Variants in TBC1D12 observed in about 807,000 individuals in gnomAD.
TBC1D12 encodes TBC1 domain family, member 12.
In TBC1D12, 56 loss-of-function variants were observed where a neutral mutation model predicts 86.7. That is an observed-to-expected ratio of 0.65 (90% CI 0.52 to 0.81). The LOEUF is 0.81. Among genes scored for constraint, TBC1D12 ranks in the 30% least tolerant of loss-of-function variants. The pLI, the probability that TBC1D12 is intolerant of heterozygous loss-of-function variation, is 0.00. For missense variants in TBC1D12, 1,023 were observed against 1,038.8 expected (o/e 0.98, Z 0.21); for synonymous variants, 421 against 411.7 (o/e 1.02, Z -0.27).
chr10:94,502,532 C>A (rs1186176628), intron 6 of TBC1D12, among the ~76,000 whole-genome samples: 1 of 151,830 alleles, frequency 6.6e-6, no homozygotes, highest in Non-Finnish European at 1.5e-5. Flanking sequence ...TAGCGAGACC[C>A]CGTCTCTACA....
intron 3 of TBC1D12, among the ~76,000 whole-genome samples, chr10:94,480,335 G>A (rs1197173220): frequency 6.6e-6 from 1 of 152,146 alleles, no homozygotes; most frequent in East Asian, 1.9e-4. Flanking sequence ...AGTCTGGGGA[G>A]TGATTGAGGG....
chr10:94,453,834 G>A (rs186468569), intron 2 of TBC1D12, among the ~76,000 whole-genome samples: 2 of 151,842 alleles, frequency 1.3e-5, no homozygotes, highest in East Asian at 1.9e-4. Context: ...TTTTCATGTC[G>A]ATGTCCAGTT....
chr10:94,494,060 C>A (rs1383623446), intron 4 of TBC1D12, among the ~76,000 whole-genome samples: 1 of 151,716 alleles, frequency 6.6e-6, no homozygotes, highest in African/African-American at 2.4e-5. Flanking sequence ...ATTTGAAACT[C>A]AAAATTTTTT....
At position 94,509,113 on chromosome 10, in the gene TBC1D12, T is replaced by G. The variant is rs1017345174; in HGVS notation, c.1601-978T>G. On this transcript the variant is annotated intron_variant, in intron 7 of 12. Transcript: ENST00000225235. ...TTTCTTGATGGGAAAAAGTGTTTTTTTTTTTTTTTTTTTGAGATGCTCACC... is the reference window on the plus strand; with the variant it reads ...TTTCTTGATGGGAAAAAGTGTTTTTGTTTTTTTTTTTTTGAGATGCTCACC... 1.1e-4 allele frequency: 17 copies of G among 149,704 alleles called. No individual in the cohort carries two copies. The East Asian group carries it at 2.1e-3, about 19-fold the overall frequency. The allele number at this position is 149,704 out of a possible 1,614,324, so 9.3% of individuals were successfully genotyped here.
chr10:94,508,330 C>T (rs1049877039), intron 7 of TBC1D12: 3 of 151,490 alleles, frequency 2.0e-5, no homozygotes, highest in African/African-American at 4.9e-5. Context: ...GATGGGGTCT[C>T]TCTATGTTTC....
intron 8 of TBC1D12, 31 bp downstream of exon 8, chr10:94,510,210 T>A: frequency 6.8e-7 from 1 of 1,471,268 alleles, no homozygotes; most frequent in Non-Finnish European, 9.2e-7. Context: ...TGTAATTACT[T>A]AAAAAAAATC....
At chr10:94,469,516 T>G (rs373286468) in intron 2 of TBC1D12, among the ~76,000 whole-genome samples, 7 of 146,942 alleles carry the variant, frequency 4.8e-5, no homozygotes, top group East Asian at 4.2e-4. Flanking sequence ...TGGGGTGATC[T>G]CGGCTCACTG....
intron 5 of TBC1D12, among the ~76,000 whole-genome samples, chr10:94,497,495 ATCC>A (rs2056336839): frequency 6.9e-6 from 1 of 145,338 alleles, no homozygotes; most frequent in Non-Finnish European, 1.5e-5. Context: ...CTTACTGACC[ATCC>A]TCTGTGTCTG....
chr10:94,514,180 A>G (rs1002433973), intron 9 of TBC1D12, among the ~76,000 whole-genome samples: 1 of 152,084 alleles, frequency 6.6e-6, no homozygotes, highest in Non-Finnish European at 1.5e-5. Flanking sequence ...TTTTAAGACC[A>G]GCCTGAGCAA....
chr10:94,488,384 GTC>G (rs2056199561), intron 3 of TBC1D12, among the ~76,000 whole-genome samples: 1 of 106,084 alleles, frequency 9.4e-6, no homozygotes, highest in African/African-American at 3.7e-5. Flanking sequence ...GGCCCAAGGG[GTC>G]TTTTTTTTTT....
chr10:94,458,531 CTG>C (rs2055663649), intron 2 of TBC1D12, among the ~76,000 whole-genome samples: 1 of 152,146 alleles, frequency 6.6e-6, no homozygotes, highest in Non-Finnish European at 1.5e-5. Flanking sequence ...CATGGTGAAA[CTG>C]TGTCTGGAAT....
At chr10:94,490,565 T>C (rs2056232376) in intron 3 of TBC1D12, among the ~76,000 whole-genome samples, 1 of 152,232 alleles carries the variant, frequency 6.6e-6, no homozygotes, top group South Asian at 2.1e-4. Flanking sequence ...ATTTTTCTGC[T>C]TCACATCTCT....
chr10:94,419,344 G>A (rs184774358), intron 1 of TBC1D12, among the ~76,000 whole-genome samples: 1 of 151,822 alleles, frequency 6.6e-6, no homozygotes, highest in Non-Finnish European at 1.5e-5. Flanking sequence ...GTTTATCATC[G>A]TGAAGTTTTT....
chr10:94,413,372 T>C (rs949936456), intron 1 of TBC1D12, among the ~76,000 whole-genome samples: 17 of 152,220 alleles, frequency 1.1e-4, no homozygotes, highest in Non-Finnish European at 2.5e-4. Flanking sequence ...TTTCCTCAGG[T>C]CTACTCAGTT....
rs1264951101 is a variant in TBC1D12 at position 94,533,884 on chromosome 10, T to C, written c.*788T>C. The C allele has an allele frequency of 1.3e-5, 2 of 152,192 alleles. No individual in the cohort carries two copies. Among genetic ancestry groups the C allele is most frequent in the Non-Finnish European group, 2.9e-5 (2 of 68,018 alleles). 9.4% of individuals were successfully genotyped at this position (152,192 alleles called of 1,614,324 possible). ...CACTTCAGTGGATTGAAGACTTGAC[T>C]TTGAGAGTAAGTCCAAAAACATATA... is the stretch of plus-strand genomic sequence containing the variant. On this transcript the variant is annotated 3_prime_UTR_variant, in exon 13 of 13. Transcript: ENST00000225235.
At chr10:94,465,722 A>G (rs959193932) in intron 2 of TBC1D12, among the ~76,000 whole-genome samples, 1 of 150,376 alleles carries the variant, frequency 6.6e-6, no homozygotes, top group Non-Finnish European at 1.5e-5. Flanking sequence ...ACGTATACAT[A>G]CATACATACA....
At position 94,403,367 on chromosome 10, in the gene TBC1D12, T is replaced by C; in HGVS notation, c.754T>C (p.Ser252Pro). 1 of 1,529,630 alleles carries C rather than the reference T, an allele frequency of 6.5e-7. No homozygotes were observed. Among genetic ancestry groups the C allele is most frequent in the Admixed American group, 2.0e-5 (1 of 49,088 alleles). 94.8% of individuals were successfully genotyped at this position (1,529,630 alleles called of 1,614,324 possible). A position where few individuals can be genotyped will look rare whatever the true frequency, so the allele number is the denominator to read the frequency against. ...CGAGGAGGGCGCGCCCCCTGCCACCTCGGCCGAGAGGACTAATGGGGGTGC... is the reference window on the plus strand; with the variant it reads ...CGAGGAGGGCGCGCCCCCTGCCACCCCGGCCGAGAGGACTAATGGGGGTGC... ...GPEEGAPPATSAERTNGGAEP... is the reference protein window; with the variant it reads ...GPEEGAPPATPAERTNGGAEP... Residue 252 changes from serine to proline, a missense_variant, in exon 1 of 13, where the codon TCG becomes CCG. Physicochemically the swap from Ser to Pro is moderately conservative, Grantham distance 74 (BLOSUM62 -1). Coordinates refer to ENST00000225235, the MANE Select transcript of TBC1D12 (RefSeq NM_015188.2).
At chr10:94,444,556 T>C (rs2055426077) in intron 2 of TBC1D12, among the ~76,000 whole-genome samples, 1 of 152,210 alleles carries the variant, frequency 6.6e-6, no homozygotes, top group Admixed American at 6.5e-5. Flanking sequence ...TTGATTTTTA[T>C]GGTAGTTTAA....
chr10:94,496,422 G>A (rs2056322140), intron 4 of TBC1D12, among the ~76,000 whole-genome samples: 2 of 151,990 alleles, frequency 1.3e-5, no homozygotes, highest in Admixed American at 1.3e-4. Flanking sequence ...CTAGTAAAGT[G>A]AAACACCATA....
Sources: allele counts gnomAD v4.1 joint callset (sites outside exome capture counted in the v4.1 genomes callset), GRCh38; gene constraint gnomAD v4.1.1; transcripts MANE v1.5; gene names NCBI Gene and HGNC (gene_info 2026-07-23, HGNC 2026-07-21).